Variants in TMEM230 observed in about 807,000 individuals in gnomAD.
TMEM230 encodes the protein transmembrane protein 230, also known as UPF0414 transmembrane protein C20orf30.
Under a neutral mutation model 15.8 loss-of-function variants are expected in TMEM230, and 10 were observed. The observed-to-expected ratio is 0.63, with a 90% confidence interval of 0.39 to 1.07. The LOEUF is 1.07. Among genes scored for constraint, TMEM230 ranks in the 50% least tolerant of loss-of-function variants. TMEM230 has a pLI of 0.01. For synonymous variants in TMEM230, 67 were observed against 76.9 expected, an observed-to-expected ratio of 0.87 and a Z score of 0.68; for missense variants, 165 against 193.3, an observed-to-expected ratio of 0.85 and a Z score of 0.87.
intron 3 of TMEM230, among the ~76,000 whole-genome samples, chr20:5,108,186 G>A (rs143620138): frequency 5.3e-5 from 8 of 152,206 alleles, no homozygotes; most frequent in Non-Finnish European, 7.4e-5. Flanking sequence ...TTGCGAGGCC[G>A]AGGCAGGATG....
At chr20:5,067,005 G>T (rs897223171), downstream of TMEM230, among the ~76,000 whole-genome samples, 12 of 152,128 alleles carry the variant, frequency 7.9e-5, no homozygotes. Flanking sequence ...TAGATTTCAG[G>T]TATGGATAGT....
At chr20:5,082,991 G>A (rs1395968935) in intron 3 of TMEM230, among the ~76,000 whole-genome samples, 5 of 148,668 alleles carry the variant, frequency 3.4e-5, no homozygotes, top group Admixed American at 2.7e-4. Context: ...GCAATGGCGC[G>A]ATCTCGGCTC....
At chr20:5,078,648 C>A (rs918946342) in intron 3 of TMEM230, among the ~76,000 whole-genome samples, 2 of 148,806 alleles carry the variant, frequency 1.3e-5, no homozygotes, top group South Asian at 4.1e-4. Flanking sequence ...GTGAAACTGG[C>A]GGTTAGAGCC....
downstream of TMEM230, among the ~76,000 whole-genome samples, chr20:5,098,967 AT>A (rs749748400): frequency 1.3e-5 from 2 of 152,058 alleles, no homozygotes; most frequent in Admixed American, 1.3e-4. Flanking sequence ...CCATGCCCAA[AT>A]GTTTACTTTT....
chr20:5,089,610 A>T (rs779776572), intron 3 of TMEM230, among the ~76,000 whole-genome samples: 2 of 152,086 alleles, frequency 1.3e-5, no homozygotes, highest in Non-Finnish European at 2.9e-5. Context: ...CTTAGGCAGG[A>T]GAATTGCTTA....
At chr20:5,108,081 C>T (rs761168842) in intron 3 of TMEM230, among the ~76,000 whole-genome samples, 3 of 151,966 alleles carry the variant, frequency 2.0e-5, no homozygotes, top group Non-Finnish European at 4.4e-5. Context: ...CCACTGCAGT[C>T]CAGCCTGGGC....
intron 3 of TMEM230, among the ~76,000 whole-genome samples, chr20:5,108,021 C>T (rs1254727584): frequency 1.3e-5 from 2 of 151,062 alleles, no homozygotes; most frequent in African/African-American, 2.4e-5. Flanking sequence ...GGCTGAGGTA[C>T]AAGAATCACT....
the TMEM230 span, among the ~76,000 whole-genome samples, chr20:5,060,600 G>C: frequency 6.6e-6 from 1 of 152,110 alleles, no homozygotes; most frequent in Non-Finnish European, 1.5e-5. Flanking sequence ...ACCTCCCAAA[G>C]TGCTGGGATC....
intron 3 of TMEM230, among the ~76,000 whole-genome samples, chr20:5,087,985 A>G (rs1259821813): frequency 7.7e-6 from 1 of 129,766 alleles, no homozygotes; most frequent in Non-Finnish European, 1.6e-5. Flanking sequence ...GAGCCACCAC[A>G]CCCAGCCAGG....
At chr20:5,064,428 T>G (rs923081436), downstream of TMEM230, among the ~76,000 whole-genome samples, 5 of 151,566 alleles carry the variant, frequency 3.3e-5, no homozygotes, top group Non-Finnish European at 7.4e-5. Context: ...AACACAAAAT[T>G]AGCTGGGTGT....
In TMEM230 at chr20:5,100,780, T is replaced by C. The variant is rs750802038; in HGVS notation, c.*11A>G. Reference sequence around the variant, plus strand: ...TTCCACTGTGACTCCTCCTCAGCTATGGGGTGGGTGCTAGTCATCAAAGTC... The same window carrying C: ...TTCCACTGTGACTCCTCCTCAGCTACGGGGTGGGTGCTAGTCATCAAAGTC... On this transcript the variant is annotated 3_prime_UTR_variant, in exon 5 of 5. Transcript: ENST00000342308. 6.8e-6 allele frequency: 11 copies of C among 1,612,820 alleles called. No homozygotes were observed. The highest frequency in any genetic ancestry group is 6.7e-5 in the East Asian group (3 of 44,878).
intron 3 of TMEM230, among the ~76,000 whole-genome samples, chr20:5,074,380 C>T (rs916101546): frequency 6.7e-6 from 1 of 149,790 alleles, no homozygotes; most frequent in Non-Finnish European, 1.5e-5. Context: ...TACTAGATAC[C>T]CCTTATCTAA....
At chr20:5,060,013 C>A in the TMEM230 span, among the ~76,000 whole-genome samples, 1 of 152,146 alleles carries the variant, frequency 6.6e-6, no homozygotes, top group Non-Finnish European at 1.5e-5. Flanking sequence ...CTGAGGTAAT[C>A]CACCCGCCTT....
At chr20:5,078,235 C>A (rs993210032) in intron 3 of TMEM230, among the ~76,000 whole-genome samples, 1 of 152,094 alleles carries the variant, frequency 6.6e-6, no homozygotes, top group African/African-American at 2.4e-5. Flanking sequence ...TCTGCTGTCA[C>A]CCTCTTGAAG....
In TMEM230 at chr20:5,100,581, T is replaced by C. The variant is rs2122713772; in HGVS notation, c.*210A>G. 7.4e-7 allele frequency: 1 copy of C among 1,347,064 alleles called. No individual in the cohort carries two copies. The highest frequency in any genetic ancestry group is 2.9e-5 in the East Asian group (1 of 34,182). The allele number at this position is 1,347,064 out of a possible 1,614,324, so 83.4% of individuals were successfully genotyped here. ...ATACATATTCCTGTGGAAAAACTTG[T>C]CAGGGCCCAGGGATGAAAAATAGAG... On this transcript the variant is annotated 3_prime_UTR_variant, in exon 5 of 5. Transcript: ENST00000342308.
At chr20:5,102,116 C>T (rs1359674638) in intron 4 of TMEM230, among the ~76,000 whole-genome samples, 1 of 152,200 alleles carries the variant, frequency 6.6e-6, no homozygotes, top group Non-Finnish European at 1.5e-5. Flanking sequence ...GTTTGCCTAC[C>T]TGCCACCACC....
At chr20:5,066,237 C>G (rs1341775902), downstream of TMEM230, 1 of 152,236 alleles carries the variant, frequency 6.6e-6, no homozygotes, top group Non-Finnish European at 1.5e-5. Flanking sequence ...GCCAGCTGGT[C>G]AGGGTGAGTC....
chr20:5,106,877 T>G (rs995660037), intron 3 of TMEM230, among the ~76,000 whole-genome samples: 1 of 152,102 alleles, frequency 6.6e-6, no homozygotes, highest in Non-Finnish European at 1.5e-5. Flanking sequence ...AGCTAATTTT[T>G]AAATTTTTCT....
downstream of TMEM230, among the ~76,000 whole-genome samples, chr20:5,099,212 A>C (rs528019237): frequency 3.7e-5 from 3 of 81,994 alleles, no homozygotes; most frequent in South Asian, 6.3e-4. Context: ...ATAAATAAAT[A>C]AATAAATAAA....
Sources: allele counts gnomAD v4.1 joint callset (sites outside exome capture counted in the v4.1 genomes callset), GRCh38; gene constraint gnomAD v4.1.1; transcripts MANE v1.5; gene names NCBI Gene and HGNC (gene_info 2026-07-23, HGNC 2026-07-21).